Variants in TMEM178B observed in about 807,000 individuals in gnomAD.
The protein encoded by TMEM178B is transmembrane protein 178B.
Under a neutral mutation model 31.0 loss-of-function variants are expected in TMEM178B, and 5 were observed. The observed-to-expected ratio is 0.16, with a 90% CI of 0.08 to 0.34. The LOEUF is 0.34. Among genes scored for constraint, TMEM178B ranks in the 10% least tolerant of loss-of-function variants. TMEM178B has a pLI of 1.00. For missense variants in TMEM178B, 275 were observed against 400.3 expected (o/e 0.69, Z 2.67); for synonymous variants, 164 against 164.0 (o/e 1.00, Z 0.00).
chr7:141,118,764 G>GA (rs1795364103), intron 1 of TMEM178B, among the ~76,000 whole-genome samples: 1 of 152,212 alleles, frequency 6.6e-6, no homozygotes, highest in African/African-American at 2.4e-5. Flanking sequence ...TTTGTGGTCA[G>GA]AAGAAGTTTG....
intron 2 of TMEM178B, among the ~76,000 whole-genome samples, chr7:141,340,924 G>T (rs1799506103): frequency 6.6e-6 from 1 of 151,914 alleles, no homozygotes; most frequent in African/African-American, 2.4e-5. Flanking sequence ...GTATCTGTTT[G>T]GTTTCAGCTT....
At chr7:141,162,361 T>C (rs1796190224) in intron 1 of TMEM178B, among the ~76,000 whole-genome samples, 1 of 152,200 alleles carries the variant, frequency 6.6e-6, no homozygotes, top group Non-Finnish European at 1.5e-5. Context: ...ATTGCTGGCA[T>C]GCGATACACC....
intron 2 of TMEM178B, among the ~76,000 whole-genome samples, chr7:141,241,904 G>C (rs1389347217): frequency 6.6e-6 from 1 of 152,040 alleles, no homozygotes; most frequent in African/African-American, 2.4e-5. Flanking sequence ...TTTATCGAGA[G>C]ATCTTTTTTT....
chr7:141,075,144 C>T lies in TMEM178B; in HGVS notation c.382+452C>T, dbSNP rs374803531. ...GAGAAGGCCTTATTCATACCAGAAA[C>T]GTTTGCTGAGCGCTATACTATACCA... On this transcript the variant is annotated intron_variant, in intron 1 of 3. Transcript: ENST00000565468. Among the ~76,000 whole-genome samples, 10 of 152,240 alleles carry T rather than the reference C, an allele frequency of 6.6e-5. No individual in the cohort carries two copies. In the South Asian group the frequency reaches 1.2e-3, roughly 19 times the overall value.
chr7:141,338,136 C>T (rs570420929), intron 2 of TMEM178B, among the ~76,000 whole-genome samples: 4 of 152,068 alleles, frequency 2.6e-5, no homozygotes, highest in Non-Finnish European at 2.9e-5. Context: ...CGTGCCCGGC[C>T]GATTTGATAT....
At chr7:141,382,129 A>C (rs1447703259) in intron 2 of TMEM178B, among the ~76,000 whole-genome samples, 1 of 152,118 alleles carries the variant, frequency 6.6e-6, no homozygotes. Context: ...TGCTCCTCCT[A>C]TCATCTGTTC....
intron 3 of TMEM178B, among the ~76,000 whole-genome samples, chr7:141,450,998 C>A (rs1021800459): frequency 6.6e-6 from 1 of 152,150 alleles, no homozygotes; most frequent in Non-Finnish European, 1.5e-5. Flanking sequence ...AAGGGACAGG[C>A]CTCCAAAACA....
rs908368040 is a variant in TMEM178B at position 141,453,984 on chromosome 7, C to G, written c.634+16239C>G. ...ATCTAAATCTAGTATGATATTTGAC[C>G]CTCCAATTTGGGCCCTGGGTAACAG... On this transcript the variant is annotated intron_variant, in intron 3 of 3. Coordinates refer to ENST00000565468, the MANE Select transcript of TMEM178B (RefSeq NM_001195278.2). 3.3e-5 allele frequency among the ~76,000 whole-genome samples: 5 copies of G among 151,652 alleles called. No homozygotes were observed. The South Asian group carries it at 1.0e-3, about 32-fold the overall frequency.
intron 2 of TMEM178B, among the ~76,000 whole-genome samples, chr7:141,256,005 TCC>T (rs1797921326): frequency 6.6e-6 from 1 of 151,904 alleles, no homozygotes; most frequent in African/African-American, 2.4e-5. Context: ...CATCCTTCCA[TCC>T]ATTCATCCAT....
At chr7:141,496,875 G>A in the TMEM178B span, among the ~76,000 whole-genome samples, 573 of 152,252 alleles carry the variant, frequency 3.8e-3, 7 homozygotes, top group African/African-American at 0.013. Flanking sequence ...TGTATTCAAT[G>A]TACTGATACA....
intron 2 of TMEM178B, among the ~76,000 whole-genome samples, chr7:141,324,597 C>T (rs1421134177): frequency 6.6e-6 from 1 of 151,776 alleles, no homozygotes; most frequent in Non-Finnish European, 1.5e-5. Flanking sequence ...TGCCTTTGAG[C>T]AATTTCTCTT....
intron 1 of TMEM178B, among the ~76,000 whole-genome samples, chr7:141,203,386 A>G (rs1032137828): frequency 6.6e-6 from 1 of 152,226 alleles, no homozygotes; most frequent in Non-Finnish European, 1.5e-5. Context: ...TGTGGTGGGC[A>G]GAGGCCAGCA....
intron 2 of TMEM178B, among the ~76,000 whole-genome samples, chr7:141,283,775 C>T (rs539728939): frequency 1.1e-4 from 17 of 152,184 alleles, no homozygotes; most frequent in African/African-American, 3.6e-4. Flanking sequence ...TTGGCAAAAA[C>T]GTTTTCTCTG....
At chr7:141,450,841 G>C (rs1231050522) in intron 3 of TMEM178B, among the ~76,000 whole-genome samples, 1 of 152,166 alleles carries the variant, frequency 6.6e-6, no homozygotes, top group Non-Finnish European at 1.5e-5. Flanking sequence ...ACTAGACCCA[G>C]AGAGCCATGA....
At chr7:141,376,345 T>C (rs1419594547) in intron 2 of TMEM178B, among the ~76,000 whole-genome samples, 1 of 152,232 alleles carries the variant, frequency 6.6e-6, no homozygotes, top group East Asian at 1.9e-4. Flanking sequence ...AAATAAACAT[T>C]TGTTATATTA....
At chr7:141,150,052 C>G (rs970791628) in intron 1 of TMEM178B, among the ~76,000 whole-genome samples, 9 of 152,022 alleles carry the variant, frequency 5.9e-5, no homozygotes, top group Admixed American at 5.2e-4. Context: ...GGCCTGAGCA[C>G]TCGAGTGGCT....
intron 2 of TMEM178B, among the ~76,000 whole-genome samples, chr7:141,404,360 T>G (rs1800843436): frequency 6.6e-6 from 1 of 152,138 alleles, no homozygotes; most frequent in Non-Finnish European, 1.5e-5. Flanking sequence ...AAATTTATTC[T>G]CACAGTTTTA....
At chr7:141,159,565 A>C (rs955387458) in intron 1 of TMEM178B, among the ~76,000 whole-genome samples, 3 of 152,350 alleles carry the variant, frequency 2.0e-5, no homozygotes, top group African/African-American at 7.2e-5. Flanking sequence ...TCACCGACAG[A>C]CAAATGGATA....
chr7:141,288,473 G>A (rs1464520795), intron 2 of TMEM178B, among the ~76,000 whole-genome samples: 62 of 144,356 alleles, frequency 4.3e-4, no homozygotes, highest in African/African-American at 1.3e-3. Context: ...ATCCCTGTCC[G>A]GAAAAAAATG....
Sources: gnomAD v4.1 joint callset for allele counts (sites outside exome capture counted in the v4.1 genomes callset) on GRCh38, gnomAD v4.1.1 for gene constraint, MANE v1.5 for transcripts, NCBI Gene and HGNC (gene_info 2026-07-23, HGNC 2026-07-21) for gene names.